ROBO2: variants seen among roughly 807,000 people sequenced by gnomAD.
ROBO2 encodes the protein roundabout homolog 2.
A neutral mutation model predicts 160.8 loss-of-function variants in ROBO2; 53 were observed. That is an observed-to-expected ratio of 0.33 (90% CI 0.26 to 0.41). The LOEUF is 0.41. ROBO2 is among the 10% of genes least tolerant of loss of function. ROBO2 has a pLI of 1.00. For missense variants in ROBO2, 1,577 were observed against 1,722.4 expected, an observed-to-expected ratio of 0.92 and a Z score of 1.49; for synonymous variants, 664 against 611.7, an observed-to-expected ratio of 1.09 and a Z score of -1.26.
intron 2 of ROBO2, among the ~76,000 whole-genome samples, chr3:76,104,237 C>G (rs973109167): frequency 5.9e-5 from 9 of 152,092 alleles, no homozygotes; most frequent in African/African-American, 1.9e-4. Context: ...TTAGCTTTAG[C>G]AAATCTAAAT....
intron 2 of ROBO2, among the ~76,000 whole-genome samples, chr3:76,525,945 AC>A (rs2081926115): frequency 6.6e-6 from 1 of 151,582 alleles, no homozygotes; most frequent in Admixed American, 6.6e-5. Flanking sequence ...TAGTTATGGC[AC>A]CCTTGGGCTG....
chr3:76,945,719 T>G (rs1187222401), intron 2 of ROBO2, among the ~76,000 whole-genome samples: 1 of 152,338 alleles, frequency 6.6e-6, no homozygotes, highest in African/African-American at 2.4e-5. Context: ...AATTTCTTAT[T>G]GGCCATTATT....
intron 2 of ROBO2, among the ~76,000 whole-genome samples, chr3:77,131,734 C>G (rs2075872356): frequency 6.6e-6 from 1 of 151,988 alleles, no homozygotes; most frequent in South Asian, 2.1e-4. Context: ...TATCAATGCT[C>G]CATAAAATGT....
intron 2 of ROBO2, among the ~76,000 whole-genome samples, chr3:77,261,463 G>A (rs1358113315): frequency 1.3e-5 from 2 of 152,162 alleles, no homozygotes; most frequent in Admixed American, 6.5e-5. Context: ...TTGTTATAAT[G>A]TGTTGTCAGT....
At position 76,223,993 on chromosome 3, in the gene ROBO2, A is replaced by G. The variant is rs538155994; in HGVS notation, c.109+286391A>G. On this transcript the variant is annotated intron_variant, in intron 2 of 26. Coordinates refer to the ROBO2 transcript ENST00000487694. Reference sequence around the variant, plus strand: ...CTAAAAATAGTTCCTGCCATGAACTATCAGTCACTGCTTTGCATTTTTATA... The same window carrying G: ...CTAAAAATAGTTCCTGCCATGAACTGTCAGTCACTGCTTTGCATTTTTATA... Among the ~76,000 whole-genome samples the G allele has an allele frequency of 1.3e-3, 196 of 152,354 alleles. 5 individuals are homozygous for G. Among genetic ancestry groups the G allele is most frequent in the Admixed American group, 1.0e-3 (16 of 15,298 alleles).
chr3:77,605,910 G>A (rs1402566619), intron 20 of ROBO2, among the ~76,000 whole-genome samples: 1 of 152,156 alleles, frequency 6.6e-6, no homozygotes, highest in African/African-American at 2.4e-5. Flanking sequence ...TAAAGGAGGT[G>A]AAACTAGAGA....
intron 2 of ROBO2, among the ~76,000 whole-genome samples, chr3:76,050,288 A>G (rs1446224939): frequency 2.0e-5 from 3 of 152,136 alleles, no homozygotes; most frequent in Non-Finnish European, 2.9e-5. Flanking sequence ...GCCCTCAAAC[A>G]TCAGACTCTA....
At chr3:76,531,654 GT>G in intron 2 of ROBO2, among the ~76,000 whole-genome samples, 1 of 120,300 alleles carries the variant, frequency 8.3e-6, no homozygotes, top group South Asian at 2.9e-4. Flanking sequence ...CTAAGCAAAT[GT>G]TTTTCTGTCC....
intron 2 of ROBO2, among the ~76,000 whole-genome samples, chr3:77,381,028 C>T (rs540940394): frequency 6.6e-6 from 1 of 152,168 alleles, no homozygotes; most frequent in East Asian, 1.9e-4. Context: ...ATCAGGACAG[C>T]ATTTTGGCAG....
intron 2 of ROBO2, among the ~76,000 whole-genome samples, chr3:76,689,872 T>C (rs1442092419): frequency 6.6e-6 from 1 of 152,180 alleles, no homozygotes; most frequent in Non-Finnish European, 1.5e-5. Flanking sequence ...ATTTCTGACC[T>C]TTCTTTACTC....
chr3:75,924,521 A>G (rs190902991), intron 1 of ROBO2, among the ~76,000 whole-genome samples: 41 of 152,054 alleles, frequency 2.7e-4, no homozygotes, highest in African/African-American at 9.2e-4. Flanking sequence ...TCTGACCCCC[A>G]GAAGTATAAA....
In ROBO2 at chr3:76,320,660, A is replaced by T. The variant is rs146516222; in HGVS notation, c.109+383058A>T. The stretch of plus-strand genomic sequence containing the variant: ...GTCACAGAAGTACCTTCTACAATCC[A>T]TAGAGGCCTAAGAATTGCTCCTGGC... On this transcript the variant is annotated intron_variant, in intron 2 of 26. Coordinates refer to the ROBO2 transcript ENST00000487694. 2.4e-4 allele frequency among the ~76,000 whole-genome samples: 36 copies of T among 152,332 alleles called. No individual in the cohort carries two copies. The East Asian group carries it at 3.5e-3, about 15-fold the overall frequency.
At chr3:76,891,338 T>C (rs1033880720) in intron 2 of ROBO2, among the ~76,000 whole-genome samples, 1 of 152,178 alleles carries the variant, frequency 6.6e-6, no homozygotes, top group Non-Finnish European at 1.5e-5. Flanking sequence ...TCCTAAGCTG[T>C]TGAACAATTT....
At chr3:76,956,489 A>G (rs1463775406) in intron 2 of ROBO2, among the ~76,000 whole-genome samples, 2 of 151,208 alleles carry the variant, frequency 1.3e-5, no homozygotes, top group Non-Finnish European at 2.9e-5. Context: ...TCCAGGAGGC[A>G]GAGCTTGCAG....
intron 6 of ROBO2, among the ~76,000 whole-genome samples, chr3:77,541,772 CT>C (rs1314639898): frequency 2.6e-5 from 4 of 152,254 alleles, no homozygotes; most frequent in Admixed American, 2.6e-4. Flanking sequence ...TTTTCCAATG[CT>C]TTCAGGTTTT....
At chr3:76,383,103 G>C (rs961192395) in intron 2 of ROBO2, among the ~76,000 whole-genome samples, 1 of 152,154 alleles carries the variant, frequency 6.6e-6, no homozygotes. Context: ...GGAAGCATGC[G>C]ATGGAGTAGG....
intron 2 of ROBO2, among the ~76,000 whole-genome samples, chr3:76,456,250 A>G (rs1211555477): frequency 1.3e-5 from 2 of 152,230 alleles, no homozygotes; most frequent in East Asian, 3.9e-4. Flanking sequence ...TAAAACTCCC[A>G]TTAAACCAGG....
intron 2 of ROBO2, among the ~76,000 whole-genome samples, chr3:76,576,936 G>A (rs370403655): frequency 3.9e-5 from 6 of 151,962 alleles, no homozygotes; most frequent in Middle Eastern, 3.4e-3. Context: ...CTTGTAAATC[G>A]TAAGTAGTTT....
At chr3:76,367,374 A>G (rs1261728228) in intron 2 of ROBO2, among the ~76,000 whole-genome samples, 3 of 151,980 alleles carry the variant, frequency 2.0e-5, no homozygotes, top group Admixed American at 2.0e-4. Context: ...AAATGAAGAT[A>G]CAGACTCTAT....
Sources: gnomAD v4.1 joint callset for allele counts (sites outside exome capture counted in the v4.1 genomes callset) on GRCh38, gnomAD v4.1.1 for gene constraint, MANE v1.5 for transcripts, NCBI Gene and HGNC (gene_info 2026-07-23, HGNC 2026-07-21) for gene names.